The following SYNPO variants were observed in gnomAD, a reference collection of about 807,000 sequenced individuals.
SYNPO encodes the protein synaptopodin.
A neutral mutation model predicts 49.5 loss-of-function variants in SYNPO; 19 were observed. The observed-to-expected ratio is 0.38, with a 90% CI of 0.27 to 0.56. SYNPO has a LOEUF of 0.56. SYNPO is among the 20% of genes least tolerant of loss of function. SYNPO has a pLI of 0.68. For missense variants in SYNPO, 1,131 were observed against 1,248.3 expected (o/e 0.91, Z 1.42); for synonymous variants, 536 against 548.0 (o/e 0.98, Z 0.31).
intron 2 of SYNPO, among the ~76,000 whole-genome samples, chr5:150,623,881 T>G (rs1757259664): frequency 1.3e-5 from 2 of 152,250 alleles, no homozygotes; most frequent in South Asian, 4.1e-4. Context: ...CCAGCATTTC[T>G]CCAACCGTGG....
intron 1 of SYNPO, among the ~76,000 whole-genome samples, chr5:150,602,997 G>GGGTGTGTGTGTGT (rs1554106602): frequency 1.5e-5 from 2 of 131,184 alleles, no homozygotes; most frequent in African/African-American, 3.0e-5. Context: ...GCCACCTTAG[G>GGGTGTGTGTGTGT]GTGTGTGTGT....
chr5:150,651,148 G>A (rs961297471), intron 2 of SYNPO: 32 of 1,044,164 alleles, frequency 3.1e-5, no homozygotes, highest in Middle Eastern at 4.6e-4. Flanking sequence ...GGGCTGTGCA[G>A]ATGTGGGTGT....
chr5:150,589,304 TCCAC>T, the SYNPO span, among the ~76,000 whole-genome samples: 1 of 152,124 alleles, frequency 6.6e-6, no homozygotes, highest in African/African-American at 2.4e-5. Flanking sequence ...CCTCAAGTGA[TCCAC>T]CCACATCAGC....
intron 1 of SYNPO, among the ~76,000 whole-genome samples, chr5:150,613,029 T>C (rs1756892187): frequency 6.6e-6 from 1 of 152,232 alleles, no homozygotes; most frequent in Admixed American, 6.5e-5. Context: ...TCATCTCACC[T>C]TTGCCTCCCA....
chr5:150,613,659 T>G (rs1198474796), intron 1 of SYNPO, among the ~76,000 whole-genome samples: 2 of 152,102 alleles, frequency 1.3e-5, no homozygotes, highest in Non-Finnish European at 2.9e-5. Flanking sequence ...AGACAGCAGG[T>G]GGGGAGGTCA....
At chr5:150,602,084 G>A (rs1172805012) in intron 1 of SYNPO, among the ~76,000 whole-genome samples, 1 of 152,218 alleles carries the variant, frequency 6.6e-6, no homozygotes, top group African/African-American at 2.4e-5. Flanking sequence ...GGGGCACAGA[G>A]GACACTGGGA....
chr5:150,587,151 T>C, the SYNPO span, among the ~76,000 whole-genome samples: 1 of 151,834 alleles, frequency 6.6e-6, no homozygotes, highest in Admixed American at 6.6e-5. Flanking sequence ...TGGATGGATA[T>C]AGGGGTACAT....
intron 2 of SYNPO, 114 bp downstream of exon 2, chr5:150,650,417 G>A (rs1581516078): frequency 1.3e-6 from 2 of 1,557,638 alleles, no homozygotes; most frequent in Non-Finnish European, 8.7e-7. Flanking sequence ...AAATGGCACA[G>A]AGCTGAGTGA....
At chr5:150,641,362 G>A (rs1356324663) in intron 1 of SYNPO, among the ~76,000 whole-genome samples, 2 of 152,134 alleles carry the variant, frequency 1.3e-5, no homozygotes, top group African/African-American at 4.8e-5. Context: ...CCTTCCTGTC[G>A]CCAAGACCCC....
intron 2 of SYNPO, among the ~76,000 whole-genome samples, chr5:150,632,125 T>C (rs1479140567): frequency 1.3e-5 from 2 of 151,864 alleles, no homozygotes; most frequent in African/African-American, 2.4e-5. Flanking sequence ...GGCACACCCC[T>C]TTTTCTCCCT....
chr5:150,645,773 G>T (rs1263584697), intron 1 of SYNPO, among the ~76,000 whole-genome samples: 1 of 152,244 alleles, frequency 6.6e-6, no homozygotes, highest in South Asian at 2.1e-4. Flanking sequence ...CTGAACCTCC[G>T]TTTCTTCTTC....
intron 1 of SYNPO, among the ~76,000 whole-genome samples, chr5:150,645,851 G>A (rs1258624883): frequency 6.6e-6 from 1 of 152,172 alleles, no homozygotes; most frequent in Non-Finnish European, 1.5e-5. Flanking sequence ...AGAATGCAAT[G>A]TTCTACAGTA....
rs1372540631 is a variant in SYNPO at position 150,656,831 on chromosome 5, C to T, written c.2456C>T (p.Ala819Val). ...RPGSAAVPGA[A>V]FAPIPRSPLP... is the part of the protein sequence containing the mutation. Reference sequence around the variant, plus strand: ...GGCTCGGCTGCTGTGCCGGGGGCAGCCTTCGCGCCCATCCCGCGGAGCCCG... The same window carrying T: ...GGCTCGGCTGCTGTGCCGGGGGCAGTCTTCGCGCCCATCCCGCGGAGCCCG... The change falls in exon 3 of 3, where the codon GCC (alanine) becomes GTC (valine). Residue 819 changes from alanine to valine, a missense_variant. Ala to Val is a moderately conservative substitution (Grantham distance 64). Transcript: ENST00000307662. 6.5e-7 allele frequency: 1 copy of T among 1,540,112 alleles called. No homozygotes were observed. Among genetic ancestry groups the T allele is most frequent in the Non-Finnish European group, 8.7e-7 (1 of 1,147,520 alleles).
chr5:150,598,715 T>G (rs982672544), upstream of SYNPO, among the ~76,000 whole-genome samples: 1 of 151,858 alleles, frequency 6.6e-6, no homozygotes, highest in Non-Finnish European at 1.5e-5. Context: ...TAAAGAGGCC[T>G]CTGAACTGTT....
chr5:150,641,657 G>A (rs1161556316), intron 1 of SYNPO, among the ~76,000 whole-genome samples: 5 of 152,294 alleles, frequency 3.3e-5, no homozygotes, highest in East Asian at 3.9e-4. Context: ...CCCTTTCTAC[G>A]CCAAACAAGA....
rs1561639702 is a variant in SYNPO at position 150,620,902 on chromosome 5, TTTC to T, written c.400+2138_400+2140del. On this transcript the variant is annotated intron_variant, in intron 2 of 2. Transcript: ENST00000394243. ...CTTTTTCTTTTTTTCTTTTTTTCTC[TTTC>T]TTTCTTTCTTTCTTTCTTTCTTTCT... Among the ~76,000 whole-genome samples, 638 of 104,614 alleles carry T rather than the reference TTTC, an allele frequency of 6.1e-3. 14 individuals are homozygous for T. Among genetic ancestry groups the T allele is most frequent in the South Asian group, 0.033 (117 of 3,498 alleles). 68.6% of individuals were successfully genotyped at this position (104,614 alleles called of 152,430 possible). A position where few individuals can be genotyped will look rare whatever the true frequency, so the allele number is the denominator to read the frequency against.
rs150686584 is a variant in SYNPO, at chr5:150,649,199, G to A, written c.924G>A (p.Glu308=). ...TGGGGCAGCGAAGCCCGGCCTCAGA[G>A]AGACGCCCCTTGGGGAACTTCACTG... ...RMMGQRSPAS[E]RRPLGNFTAP... Residue 308 remains glutamate, a synonymous_variant, in exon 2 of 3, where the codon GAG becomes GAA. Coordinates refer to ENST00000307662, the MANE Select transcript of SYNPO (RefSeq NM_007286.6). 120 of 1,614,132 alleles carry A rather than the reference G, an allele frequency of 7.4e-5. No homozygotes were observed. In the African/African-American group the frequency reaches 1.4e-3, roughly 19 times the overall value.
At chr5:150,641,417 C>T (rs1454660674) in intron 1 of SYNPO, among the ~76,000 whole-genome samples, 2 of 152,246 alleles carry the variant, frequency 1.3e-5, no homozygotes, top group Non-Finnish European at 2.9e-5. Flanking sequence ...CTATTCCTAC[C>T]CCTGGCTCTC....
chr5:150,649,217 C>G lies in SYNPO; in HGVS notation c.942C>G (p.Asn314Lys). 1 of 1,614,122 alleles carries G rather than the reference C, an allele frequency of 6.2e-7. No individual in the cohort carries two copies. The highest frequency in any genetic ancestry group is 8.5e-7 in the Non-Finnish European group (1 of 1,180,030). Residue 314 changes from asparagine to lysine, a missense_variant, in exon 2 of 3, where the codon AAC (asparagine) becomes AAG (lysine). By Grantham distance (94) the Asn-to-Lys change is moderately conservative. Transcript: ENST00000307662. Reference sequence around the variant, plus strand: ...CCTCAGAGAGACGCCCCTTGGGGAACTTCACTGCACCCCCCACCTACACTG... The same window carrying G: ...CCTCAGAGAGACGCCCCTTGGGGAAGTTCACTGCACCCCCCACCTACACTG... Reference protein sequence around the residue: ...SPASERRPLGNFTAPPTYTET... With the variant: ...SPASERRPLGKFTAPPTYTET...
Sources: allele counts gnomAD v4.1 joint callset (sites outside exome capture counted in the v4.1 genomes callset), GRCh38; gene constraint gnomAD v4.1.1; transcripts MANE v1.5; gene names NCBI Gene and HGNC (gene_info 2026-07-23, HGNC 2026-07-21).